Variants in MTFR1 observed in about 807,000 individuals in gnomAD.
The protein encoded by MTFR1 is chondrocyte protein with a poly-proline region.
A neutral mutation model predicts 38.8 loss-of-function variants in MTFR1; 28 were observed. The ratio of observed to expected loss-of-function variants is 0.72; its 90% CI spans 0.53 to 0.99. The LOEUF (loss-of-function observed/expected upper bound fraction) is 0.99. MTFR1 is among the 50% of genes least tolerant of loss of function. MTFR1 has a pLI of 0.00. For missense variants in MTFR1, 358 were observed against 395.5 expected (o/e 0.91, Z 0.81); for synonymous variants, 145 against 137.0 (o/e 1.06, Z -0.41).
chr8:65,731,653 TACTC>T (rs1434551695), intron 3 of MTFR1: 1 of 152,130 alleles, frequency 6.6e-6, no homozygotes, highest in Non-Finnish European at 1.5e-5. Flanking sequence ...AAAAAATAAA[TACTC>T]AAGTTAGTGA....
intron 3 of MTFR1, among the ~76,000 whole-genome samples, chr8:65,748,251 T>C (rs1807778310): frequency 6.6e-6 from 1 of 152,142 alleles, no homozygotes; most frequent in Non-Finnish European, 1.5e-5. Context: ...ATTACACAAG[T>C]AAAACATTTC....
intron 4 of MTFR1, among the ~76,000 whole-genome samples, chr8:65,697,057 T>C (rs905452507): frequency 6.9e-6 from 1 of 145,512 alleles, no homozygotes; most frequent in African/African-American, 2.5e-5. Flanking sequence ...CGATCTCAGC[T>C]CACTGCAACC....
chr8:65,662,209 T>A (rs550315835), intron 1 of MTFR1, among the ~76,000 whole-genome samples: 126 of 152,108 alleles, frequency 8.3e-4, no homozygotes, highest in Admixed American at 2.3e-3. Flanking sequence ...CTGATTCTCC[T>A]GCCTCAGCCT....
chr8:65,662,030 TCC>T (rs1809433061), intron 1 of MTFR1, among the ~76,000 whole-genome samples: 6 of 89,082 alleles, frequency 6.7e-5, no homozygotes, highest in African/African-American at 2.5e-4. Flanking sequence ...CCTCTCTCTC[TCC>T]CTCTCTCTCC....
At chr8:65,746,277 C>CA (rs1238506705) in intron 3 of MTFR1, among the ~76,000 whole-genome samples, 1 of 151,826 alleles carries the variant, frequency 6.6e-6, no homozygotes, top group Non-Finnish European at 1.5e-5. Flanking sequence ...TAGAAACAAG[C>CA]AAAAAATAAC....
intron 1 of MTFR1, among the ~76,000 whole-genome samples, chr8:65,666,341 G>T (rs1346682056): frequency 6.6e-6 from 1 of 152,250 alleles, no homozygotes; most frequent in Non-Finnish European, 1.5e-5. Context: ...GGGATGCAGA[G>T]GTTGCAGTGA....
intron 3 of MTFR1, among the ~76,000 whole-genome samples, chr8:65,684,208 A>G (rs1469221980): frequency 1.3e-5 from 2 of 152,180 alleles, no homozygotes; most frequent in Non-Finnish European, 2.9e-5. Context: ...CAGTCTTTTA[A>G]AAGGGTATGA....
chr8:65,707,809 A>G (rs778618952), intron 6 of MTFR1, 34 bp from the exon 7 acceptor site: 1 of 1,606,146 alleles, frequency 6.2e-7, no homozygotes, highest in South Asian at 1.1e-5. Flanking sequence ...CAGTGTATTG[A>G]TCTGTCCCCT....
intron 3 of MTFR1, chr8:65,734,981 C>A (rs1348028350): frequency 6.1e-6 from 5 of 815,254 alleles, no homozygotes; most frequent in Non-Finnish European, 1.1e-5. Flanking sequence ...GTTACCCACT[C>A]ATACTTTTCA....
intron 1 of MTFR1, among the ~76,000 whole-genome samples, chr8:65,662,574 A>T (rs1809464561): frequency 7.1e-6 from 1 of 141,594 alleles, no homozygotes; most frequent in Admixed American, 7.1e-5. Context: ...CTGGGATGTG[A>T]GGAGCCTCTC....
rs975022363 is a variant in MTFR1, at chr8:65,689,240, G to T, written c.166-4404G>T. 3.3e-5 allele frequency among the ~76,000 whole-genome samples: 5 copies of T among 152,214 alleles called. No individual in the cohort carries two copies. In the South Asian group the frequency reaches 1.0e-3, roughly 32 times the overall value. On this transcript the variant is annotated intron_variant, in intron 3 of 7. Transcript: ENST00000262146. ...GAGTGTATTTACTATTATGCCCTTT[G>T]CAGAGAATCCTAGTTCCCAGCACTG...
At chr8:65,698,929 A>C (rs902604569) in intron 4 of MTFR1, among the ~76,000 whole-genome samples, 2 of 152,060 alleles carry the variant, frequency 1.3e-5, no homozygotes, top group Non-Finnish European at 2.9e-5. Context: ...GGGTTTCACC[A>C]TGTTGGTCAG....
At chr8:65,670,726 A>G (rs1804546219) in intron 2 of MTFR1, among the ~76,000 whole-genome samples, 2 of 148,046 alleles carry the variant, frequency 1.4e-5, no homozygotes, top group Non-Finnish European at 3.0e-5. Flanking sequence ...TTTTTTGAAC[A>G]GGGAGTCTTG....
chr8:65,739,669 C>A, intron 3 of MTFR1: 1 of 1,293,514 alleles, frequency 7.7e-7, no homozygotes, highest in Non-Finnish European at 1.0e-6. Flanking sequence ...CTTTGAAATA[C>A]AGATTTTGAA....
chr8:65,743,377 G>A (rs1443637420), intron 3 of MTFR1, among the ~76,000 whole-genome samples: 2 of 152,142 alleles, frequency 1.3e-5, no homozygotes, highest in Admixed American at 1.3e-4. Flanking sequence ...GTGGGGGCAG[G>A]GAGAAGAACA....
intron 3 of MTFR1, among the ~76,000 whole-genome samples, chr8:65,754,963 A>AAAAAAT (rs1286074612): frequency 6.6e-6 from 1 of 151,388 alleles, no homozygotes; most frequent in Non-Finnish European, 1.5e-5. Flanking sequence ...GACTCCCTCA[A>AAAAAAT]AAAAATAAAA....
At chr8:65,707,297 C>T in intron 6 of MTFR1, 41 bp downstream of exon 6, 1 of 1,581,486 alleles carries the variant, frequency 6.3e-7, no homozygotes, top group Non-Finnish European at 8.6e-7. Flanking sequence ...ATTTGTTTGT[C>T]TTATAAAACC....
intron 3 of MTFR1, among the ~76,000 whole-genome samples, chr8:65,770,497 T>C (rs1234817818): frequency 1.3e-5 from 2 of 152,116 alleles, no homozygotes; most frequent in Non-Finnish European, 2.9e-5. Context: ...GATGATTCAA[T>C]TACCTCCCAC....
intron 4 of MTFR1, among the ~76,000 whole-genome samples, chr8:65,702,878 T>C (rs542033960): frequency 3.0e-4 from 46 of 152,230 alleles, no homozygotes; most frequent in African/African-American, 1.0e-3. Context: ...GTGGCTTCCC[T>C]TGACAGTAAC....
Sources: allele counts gnomAD v4.1 joint callset (sites outside exome capture counted in the v4.1 genomes callset), GRCh38; gene constraint gnomAD v4.1.1; transcripts MANE v1.5; gene names NCBI Gene and HGNC (gene_info 2026-07-23, HGNC 2026-07-21).